Variants in MPZL1 observed in about 807,000 individuals in gnomAD.
MPZL1 encodes myelin protein zero-like protein 1.
In MPZL1, 16 loss-of-function variants were observed where a neutral mutation model predicts 29.3. The ratio of observed to expected loss-of-function variants is 0.55; its 90% CI spans 0.37 to 0.83. The LOEUF (loss-of-function observed/expected upper bound fraction) is 0.83, where lower values mean the gene tolerates loss of function less well. MPZL1 is among the 40% of genes least tolerant of loss of function. The probability of loss-of-function intolerance (pLI) is 0.00; values close to 1 mark genes in which losing one functional copy is unlikely to be tolerated. For missense variants in MPZL1, 279 were observed against 332.9 expected (o/e 0.84, Z 1.26); for synonymous variants, 143 against 132.0 (o/e 1.08, Z -0.57).
chr1:167,784,066 A>G (rs1345752434), intron 5 of MPZL1, among the ~76,000 whole-genome samples: 1 of 152,194 alleles, frequency 6.6e-6, no homozygotes, highest in Non-Finnish European at 1.5e-5. Context: ...GTTAATTTGT[A>G]GTTAGAAGCA....
chr1:167,722,062 C>CA lies in MPZL1; in HGVS notation c.-89dup. ...CACCCGGCGCGGGTGGCGGAGAGATCAGAAGCCTCTTCCCCAAGCCGAGCC... is the reference window on the plus strand; with the variant it reads ...CACCCGGCGCGGGTGGCGGAGAGATCAAGAAGCCTCTTCCCCAAGCCGAGCC... On this transcript the variant is annotated 5_prime_UTR_variant, in exon 1 of 6. Coordinates refer to ENST00000359523, the MANE Select transcript of MPZL1 (RefSeq NM_003953.6). 1.3e-5 allele frequency: 16 copies of CA among 1,229,718 alleles called. No homozygotes were observed. Among genetic ancestry groups the CA allele is most frequent in the Non-Finnish European group, 1.5e-5 (15 of 986,402 alleles). The allele number at this position is 1,229,718 out of a possible 1,614,324, so 76.2% of individuals were successfully genotyped here.
rs759638083 is a variant in MPZL1, at chr1:167,765,928, G to A, written c.258+179G>A. The A allele has an allele frequency of 1.0e-4, 47 of 453,046 alleles. No individual in the cohort carries two copies. The Middle Eastern group carries it at 1.7e-3, about 17-fold the overall frequency. The allele number at this position is 453,046 out of a possible 1,614,324, so 28.1% of individuals were successfully genotyped here. A position where few individuals can be genotyped will look rare whatever the true frequency, so the allele number is the denominator to read the frequency against. ...AATAAGTTCAGCATCTCTTAAATGC[G>A]TCTGGTTTCCTTGTCTTTGATCAGT... is the stretch of plus-strand genomic sequence containing the variant. On this transcript the variant is annotated intron_variant, in intron 2 of 5. Coordinates refer to ENST00000359523, the MANE Select transcript of MPZL1 (RefSeq NM_003953.6).
At chr1:167,760,793 G>C (rs1008835381) in intron 1 of MPZL1, among the ~76,000 whole-genome samples, 1 of 147,682 alleles carries the variant, frequency 6.8e-6, no homozygotes, top group East Asian at 2.0e-4. Flanking sequence ...GTGTGTGTGT[G>C]TACAGGTGTC....
chr1:167,764,554 G>A (rs1426576735), intron 1 of MPZL1, among the ~76,000 whole-genome samples: 2 of 152,178 alleles, frequency 1.3e-5, no homozygotes, highest in Non-Finnish European at 2.9e-5. Flanking sequence ...AAAAGGATCA[G>A]TTAAATAATA....
At chr1:167,759,674 G>T (rs758368779) in intron 1 of MPZL1, among the ~76,000 whole-genome samples, 1 of 149,830 alleles carries the variant, frequency 6.7e-6, no homozygotes, top group Non-Finnish European at 1.5e-5. Flanking sequence ...GAAATTTCTC[G>T]CTGCAATCAA....
At chr1:167,750,517 G>A (rs1660734195) in intron 1 of MPZL1, among the ~76,000 whole-genome samples, 1 of 151,994 alleles carries the variant, frequency 6.6e-6, no homozygotes. Flanking sequence ...AGGTTTTTCA[G>A]ATGTTAACAT....
At chr1:167,751,395 C>T (rs1303403447) in intron 1 of MPZL1, among the ~76,000 whole-genome samples, 7 of 152,140 alleles carry the variant, frequency 4.6e-5, no homozygotes, top group African/African-American at 1.4e-4. Flanking sequence ...ATGCGCCGGG[C>T]GCGGTGGCTC....
At chr1:167,785,149 C>T (rs537711359) in intron 5 of MPZL1, among the ~76,000 whole-genome samples, 1 of 152,316 alleles carries the variant, frequency 6.6e-6, no homozygotes, top group East Asian at 1.9e-4. Flanking sequence ...GTGGATTGGT[C>T]GAGCAGATTC....
At chr1:167,756,691 C>A (rs1201374363) in intron 1 of MPZL1, among the ~76,000 whole-genome samples, 1 of 152,104 alleles carries the variant, frequency 6.6e-6, no homozygotes, top group African/African-American at 2.4e-5. Flanking sequence ...ATATTGTATT[C>A]TTTATTTATT....
chr1:167,740,911 C>A (rs113394951), intron 1 of MPZL1, among the ~76,000 whole-genome samples: 2 of 152,224 alleles, frequency 1.3e-5, no homozygotes, highest in African/African-American at 4.8e-5. Flanking sequence ...ACTCCCATGT[C>A]CAATCTAATA....
At chr1:167,762,052 G>A (rs992015419) in intron 1 of MPZL1, among the ~76,000 whole-genome samples, 14 of 152,156 alleles carry the variant, frequency 9.2e-5, no homozygotes, top group African/African-American at 3.4e-4. Context: ...CTGAAACTAC[G>A]ATTCTGGAGT....
chr1:167,739,310 C>CATATATATATATATATATATAT (rs68082264), intron 1 of MPZL1, among the ~76,000 whole-genome samples: 3 of 101,372 alleles, frequency 3.0e-5, no homozygotes, highest in African/African-American at 1.5e-4. Flanking sequence ...TATATATATA[C>CATATATATATATATATATATAT]ACATATATAT....
intron 1 of MPZL1, among the ~76,000 whole-genome samples, chr1:167,749,110 T>A (rs1660707487): frequency 6.6e-6 from 1 of 152,216 alleles, no homozygotes. Flanking sequence ...TAAATCCCAG[T>A]CCTTTGGGTA....
intron 1 of MPZL1, among the ~76,000 whole-genome samples, chr1:167,758,067 T>C (rs553522926): frequency 8.6e-5 from 13 of 151,448 alleles, no homozygotes; most frequent in African/African-American, 3.2e-4. Flanking sequence ...GGCCAGAGAA[T>C]CACTTGAACC....
At chr1:167,771,325 T>C (rs1423897867) in intron 2 of MPZL1, among the ~76,000 whole-genome samples, 2 of 152,214 alleles carry the variant, frequency 1.3e-5, no homozygotes, top group African/African-American at 4.8e-5. Flanking sequence ...GTTTATAGAT[T>C]AACAGCATCC....
intron 2 of MPZL1, 79 bp from the exon 3 acceptor site, chr1:167,772,196 C>T (rs1661267142): frequency 6.9e-6 from 8 of 1,158,458 alleles, no homozygotes; most frequent in Non-Finnish European, 8.7e-6. Flanking sequence ...TTAAAAGAAC[C>T]TTTCATAGCA....
chr1:167,768,259 C>T (rs1019373166), intron 2 of MPZL1, among the ~76,000 whole-genome samples: 1 of 152,184 alleles, frequency 6.6e-6, no homozygotes, highest in African/African-American at 2.4e-5. Flanking sequence ...CCACTTTAGC[C>T]TCACTTCTGT....
intron 1 of MPZL1, among the ~76,000 whole-genome samples, chr1:167,723,047 A>G (rs1340636364): frequency 6.6e-6 from 1 of 152,238 alleles, no homozygotes; most frequent in African/African-American, 2.4e-5. Context: ...GGCTCAATTT[A>G]TGGGAATTGG....
At chr1:167,743,197 C>G (rs1340156078) in intron 1 of MPZL1, among the ~76,000 whole-genome samples, 1 of 151,600 alleles carries the variant, frequency 6.6e-6, no homozygotes, top group African/African-American at 2.4e-5. Context: ...TTACTTTTGG[C>G]AGTATCATCA....
Sources: gnomAD v4.1 joint callset for allele counts (sites outside exome capture counted in the v4.1 genomes callset) on GRCh38, gnomAD v4.1.1 for gene constraint, MANE v1.5 for transcripts, NCBI Gene and HGNC (gene_info 2026-07-23, HGNC 2026-07-21) for gene names.